The following GRIK1 variants were observed in gnomAD, a reference collection of about 807,000 sequenced individuals.
GRIK1 encodes the protein glutamate receptor ionotropic, kainate 1.
In GRIK1, 69 loss-of-function variants were observed where a neutral mutation model predicts 105.7. That is an observed-to-expected ratio of 0.65 (90% confidence interval 0.54 to 0.80). The LOEUF (loss-of-function observed/expected upper bound fraction) is 0.80, where lower values mean the gene tolerates loss of function less well. GRIK1 is among the 30% of genes least tolerant of loss of function. The probability of loss-of-function intolerance (pLI) is 0.00; values close to 1 mark genes in which losing one functional copy is unlikely to be tolerated. For missense variants in GRIK1, 1,109 were observed against 1,167.3 expected (o/e 0.95, Z 0.73); for synonymous variants, 438 against 431.3 (o/e 1.02, Z -0.19).
chr21:29,873,529 G>C (rs1031046804), intron 1 of GRIK1, among the ~76,000 whole-genome samples: 15 of 152,180 alleles, frequency 9.9e-5, no homozygotes, highest in African/African-American at 3.6e-4. Flanking sequence ...AATGTGTGTA[G>C]TGCTCTTGGT....
chr21:29,860,243 G>T (rs2068594387), intron 1 of GRIK1, among the ~76,000 whole-genome samples: 1 of 152,164 alleles, frequency 6.6e-6, no homozygotes. Context: ...TTTGACTGCT[G>T]GAAACCTCCT....
rs373016584 is a variant in GRIK1, at chr21:29,642,920, G to A, written c.1004C>T (p.Ser335Leu). The change falls in exon 7 of 18, where the codon TCG (serine) becomes TTG (leucine). Residue 335 changes from serine to leucine, a missense_variant. Physicochemically the swap from Ser to Leu is moderately radical, Grantham distance 145 (BLOSUM62 -2). Transcript: ENST00000327783. ...GACGGTCAGCTGGGATGCCCGGTGC[G>A]AGGCAATGGCCACCATGTACACAGC... ...YDAVYMVAIA[S>L]HRASQLTVSS... 7.3e-5 allele frequency: 117 copies of A among 1,613,786 alleles called. 1 individual carries two copies. The highest frequency in any genetic ancestry group is 4.9e-4 in the Middle Eastern group (3 of 6,062).
rs184531341 is a variant in GRIK1, at chr21:29,788,293, C to T, written c.119-94230G>A. ...GTGTTATTATACAAGGTGGTCAAGACGGGCATTGCGAAAAGACATTTGCAG... is the reference window on the plus strand; with the variant it reads ...GTGTTATTATACAAGGTGGTCAAGATGGGCATTGCGAAAAGACATTTGCAG... On this transcript the variant is annotated intron_variant, in intron 1 of 17. Coordinates refer to ENST00000327783, the MANE Select transcript of GRIK1 (RefSeq NM_001330994.2). 3.1e-3 allele frequency among the ~76,000 whole-genome samples: 477 copies of T among 152,282 alleles called. 2 individuals are homozygous for T. Among genetic ancestry groups the T allele is most frequent in the Admixed American group, 5.0e-3 (77 of 15,294 alleles).
rs532374727 is a variant in GRIK1 at position 29,894,780 on chromosome 21, C to T, written c.118+44603G>A. Among the ~76,000 whole-genome samples, 117 of 152,218 alleles carry T rather than the reference C, an allele frequency of 7.7e-4. 1 individual carries two copies. The highest frequency in any genetic ancestry group is 1.4e-3 in the Non-Finnish European group (92 of 68,026). ...GGATGGCCTGATTAGGTTCTCTTTG[C>T]CAAAAATTGATGAGTGCCCCCTGGA... On this transcript the variant is annotated intron_variant, in intron 1 of 17. Transcript: ENST00000327783.
At chr21:29,815,154 C>T (rs778272205) in intron 1 of GRIK1, among the ~76,000 whole-genome samples, 4 of 152,056 alleles carry the variant, frequency 2.6e-5, no homozygotes, top group Admixed American at 6.6e-5. Flanking sequence ...TTTGCTTCTC[C>T]ACTTTTACAT....
chr21:29,785,095 G>A (rs1432535289), intron 1 of GRIK1, among the ~76,000 whole-genome samples: 1 of 152,132 alleles, frequency 6.6e-6, no homozygotes, highest in Non-Finnish European at 1.5e-5. Context: ...CCAATACCTA[G>A]TTTTTCTGGT....
chr21:29,550,452 C>T (rs1263954042), intron 16 of GRIK1, among the ~76,000 whole-genome samples: 1 of 152,166 alleles, frequency 6.6e-6, no homozygotes, highest in Non-Finnish European at 1.5e-5. Context: ...TAAGTTTGTG[C>T]TTTAGCTTAG....
At chr21:29,804,620 T>C (rs537866741) in intron 1 of GRIK1, among the ~76,000 whole-genome samples, 1 of 152,300 alleles carries the variant, frequency 6.6e-6, no homozygotes, top group Non-Finnish European at 1.5e-5. Flanking sequence ...TTATTTTCAG[T>C]TTAATTGTAA....
intron 6 of GRIK1, among the ~76,000 whole-genome samples, chr21:29,643,545 A>G (rs1348061796): frequency 6.6e-6 from 1 of 152,224 alleles, no homozygotes; most frequent in Non-Finnish European, 1.5e-5. Context: ...AAGGGCAGAC[A>G]AGTGCAGCTT....
intron 1 of GRIK1, among the ~76,000 whole-genome samples, chr21:29,840,178 T>C (rs1357870352): frequency 6.6e-6 from 1 of 152,188 alleles, no homozygotes; most frequent in Non-Finnish European, 1.5e-5. Context: ...GAAAATGTTT[T>C]CATCCCAGTC....
chr21:29,732,557 T>G (rs986972476), intron 1 of GRIK1, among the ~76,000 whole-genome samples: 12 of 152,300 alleles, frequency 7.9e-5, no homozygotes, highest in South Asian at 4.1e-4. Flanking sequence ...TGTATTAAGA[T>G]AGAGAAGTTT....
chr21:29,763,627 A>G (rs1310243618), intron 1 of GRIK1: 6 of 152,274 alleles, frequency 3.9e-5, no homozygotes, highest in Admixed American at 3.9e-4. Flanking sequence ...ACAAGAGCCA[A>G]ATATGCTCCT....
At chr21:29,926,710 C>T (rs933191394) in intron 1 of GRIK1, among the ~76,000 whole-genome samples, 1 of 151,804 alleles carries the variant, frequency 6.6e-6, no homozygotes, top group African/African-American at 2.4e-5. Context: ...ACAGCTTGTT[C>T]AAATAGATTT....
chr21:29,613,521 C>A (rs957450798), intron 7 of GRIK1, among the ~76,000 whole-genome samples: 7 of 152,190 alleles, frequency 4.6e-5, no homozygotes, highest in African/African-American at 7.2e-5. Context: ...TCCCACCAGA[C>A]AACTTCAAGC....
chr21:29,934,239 T>G (rs2071670327), intron 1 of GRIK1, among the ~76,000 whole-genome samples: 1 of 152,210 alleles, frequency 6.6e-6, no homozygotes, highest in African/African-American at 2.4e-5. Flanking sequence ...TAATATCAGT[T>G]TTTCTCTTTG....
At chr21:29,587,060 C>A (rs904210019) in intron 12 of GRIK1, among the ~76,000 whole-genome samples, 7 of 152,124 alleles carry the variant, frequency 4.6e-5, no homozygotes, top group African/African-American at 7.2e-5. Context: ...TTTTACACAT[C>A]ATTTGAGCCA....
intron 16 of GRIK1, among the ~76,000 whole-genome samples, chr21:29,544,085 G>A (rs1441544708): frequency 6.6e-6 from 1 of 152,088 alleles, no homozygotes; most frequent in Non-Finnish European, 1.5e-5. Flanking sequence ...TTGCATGAAC[G>A]CATGCCCTAG....
At chr21:29,774,030 C>T (rs747022711) in intron 1 of GRIK1, among the ~76,000 whole-genome samples, 5 of 152,168 alleles carry the variant, frequency 3.3e-5, no homozygotes, top group Non-Finnish European at 7.3e-5. Context: ...AGATAAGGAA[C>T]TAATATTTTC....
At chr21:29,548,987 A>C (rs2090088049) in intron 16 of GRIK1, among the ~76,000 whole-genome samples, 1 of 152,192 alleles carries the variant, frequency 6.6e-6, no homozygotes, top group African/African-American at 2.4e-5. Flanking sequence ...AAATTGGACA[A>C]CACTATGTTT....
Sources: gnomAD v4.1 joint callset for allele counts (sites outside exome capture counted in the v4.1 genomes callset) on GRCh38, gnomAD v4.1.1 for gene constraint, MANE v1.5 for transcripts, NCBI Gene and HGNC (gene_info 2026-07-23, HGNC 2026-07-21) for gene names.